The following MCF2L2 variants were observed in gnomAD, a reference collection of about 807,000 sequenced individuals.
MCF2L2 encodes probable guanine nucleotide exchange factor MCF2L2.
Under a neutral mutation model 150.2 loss-of-function variants are expected in MCF2L2, and 102 were observed. The ratio of observed to expected loss-of-function variants is 0.68; its 90% confidence interval spans 0.58 to 0.80. MCF2L2 has a LOEUF of 0.80. MCF2L2 is among the 30% of genes least tolerant of loss of function. The probability of loss-of-function intolerance (pLI) is 0.00; values close to 1 mark genes in which losing one functional copy is unlikely to be tolerated. For synonymous variants in MCF2L2, 465 were observed against 491.3 expected (o/e 0.95, Z 0.71); for missense variants, 1,256 against 1,372.8 (o/e 0.91, Z 1.34).
At chr3:183,206,335 G>A in intron 23 of MCF2L2, 121 bp from the exon 24 acceptor site, 1 of 760,074 alleles carries the variant, frequency 1.3e-6, no homozygotes, top group Non-Finnish European at 2.2e-6. Flanking sequence ...TTCCTTTCAA[G>A]TTTTTGCTTT....
At chr3:183,286,044 C>A (rs1309230719) in intron 14 of MCF2L2, among the ~76,000 whole-genome samples, 1 of 152,200 alleles carries the variant, frequency 6.6e-6, no homozygotes, top group Non-Finnish European at 1.5e-5. Context: ...GAGCCAAGTG[C>A]AGGGCATCAC....
chr3:183,229,724 G>C lies in MCF2L2; in HGVS notation c.1987C>G (p.Gln663Glu). 1 of 1,605,044 alleles carries C rather than the reference G, an allele frequency of 6.2e-7. No homozygotes were observed. Among genetic ancestry groups the C allele is most frequent in the Non-Finnish European group, 8.5e-7 (1 of 1,173,514 alleles). The change falls in exon 17 of 30, where the codon CAG becomes GAG. Residue 663 changes from glutamine (Q) to glutamate (E), a missense_variant. Physicochemically the swap from Gln to Glu is conservative, Grantham distance 29. Transcript: ENST00000328913. ...WLKHLIPDVL[Q>E]NNKDFLFGNI... ...CCAAAGAGAAAGTCCTTGTTATTCTGAAGAACATCTGGAATTAGATGCTTT... is the reference window on the plus strand; with the variant it reads ...CCAAAGAGAAAGTCCTTGTTATTCTCAAGAACATCTGGAATTAGATGCTTT...
chr3:183,187,902 G>A (rs564648896), intron 27 of MCF2L2, among the ~76,000 whole-genome samples: 9 of 152,272 alleles, frequency 5.9e-5, no homozygotes, highest in African/African-American at 1.7e-4. Flanking sequence ...CAGCTGGCAC[G>A]TGGAATCCTT....
chr3:183,223,956 T>C (rs996215896), intron 19 of MCF2L2, 142 bp downstream of exon 19: 19 of 702,928 alleles, frequency 2.7e-5, no homozygotes, highest in Non-Finnish European at 4.1e-5. Context: ...CAACTTTTCA[T>C]GTGTAATTTC....
At chr3:183,410,338 T>A (rs566806008) in intron 1 of MCF2L2, among the ~76,000 whole-genome samples, 5 of 152,272 alleles carry the variant, frequency 3.3e-5, no homozygotes, top group African/African-American at 9.6e-5. Flanking sequence ...AATATAACTA[T>A]CATATTGGGC....
At position 183,197,788 on chromosome 3, in the gene MCF2L2, C is replaced by T. The variant is rs1722125415; in HGVS notation, c.2885-2533G>A. ...AATGAGCAAAAGATTTGAACAGACA[C>T]TTCACCAAAGAAGAGATAAAGATGG... On this transcript the variant is annotated intron_variant, in intron 25 of 29. Transcript: ENST00000328913. The surrounding 1 kb of genome is among the most constrained non-coding windows in gnomAD (Gnocchi z 4.5). Among the ~76,000 whole-genome samples the T allele has an allele frequency of 6.6e-6, 1 of 152,076 alleles. No individual in the cohort carries two copies. Among genetic ancestry groups the T allele is most frequent in the African/African-American group, 2.4e-5 (1 of 41,404 alleles).
rs1249029863 is a variant in MCF2L2 at position 183,238,917 on chromosome 3, G to T, written c.1863-7900C>A. 2.0e-5 allele frequency among the ~76,000 whole-genome samples: 3 copies of T among 147,006 alleles called. No homozygotes were observed. In the Admixed American group the frequency reaches 2.1e-4, roughly 10 times the overall value. On this transcript the variant is annotated intron_variant, in intron 15 of 29. Transcript: ENST00000328913. ...GAGGCTGAGACAGGAGAATGGCGTG[G>T]ACCCCGGAGGTGGAGCTTGCAGCGA...
At chr3:183,253,170 C>T (rs1241876453) in intron 15 of MCF2L2, 1 of 113,920 alleles carries the variant, frequency 8.8e-6, no homozygotes, top group Non-Finnish European at 1.8e-5. Flanking sequence ...CGGGCGGGGC[C>T]GGGCTCGGGC....
At chr3:183,189,199 T>C (rs1221504357) in intron 27 of MCF2L2, among the ~76,000 whole-genome samples, 1 of 152,222 alleles carries the variant, frequency 6.6e-6, no homozygotes, top group Non-Finnish European at 1.5e-5. Context: ...CTACCAAGGC[T>C]TCTCCATTTC....
Position 183,305,547 on chromosome 3 carries a change from C to T in MCF2L2, c.1113+4169G>A, listed in dbSNP as rs950671033. 2.0e-5 allele frequency among the ~76,000 whole-genome samples: 3 copies of T among 152,048 alleles called. No individual in the cohort carries two copies. Among genetic ancestry groups the T allele is most frequent in the African/African-American group, 7.2e-5 (3 of 41,404 alleles). On this transcript the variant is annotated intron_variant, in intron 10 of 29. Transcript: ENST00000328913. This position sits in a 1 kb window ranked among gnomAD's most constrained non-coding sequence, Gnocchi z 4.1. ...AGGTCCAAATGGGTCTAGGGAGAAA[C>T]GCCCATAAAGGCAACTGAGGAGGCC...
At chr3:183,292,574 C>T (rs1728221024) in intron 13 of MCF2L2, among the ~76,000 whole-genome samples, 1 of 151,820 alleles carries the variant, frequency 6.6e-6, no homozygotes, top group Admixed American at 6.6e-5. Flanking sequence ...CACACACACA[C>T]ACACACACAC....
At chr3:183,350,760 T>C (rs564961348) in intron 3 of MCF2L2, among the ~76,000 whole-genome samples, 1 of 151,942 alleles carries the variant, frequency 6.6e-6, no homozygotes, top group Non-Finnish European at 1.5e-5. Flanking sequence ...AAAAATTAGC[T>C]GGGCGTGGTG....
intron 1 of MCF2L2, among the ~76,000 whole-genome samples, chr3:183,427,701 C>T (rs1385204248): frequency 6.6e-6 from 1 of 151,984 alleles, no homozygotes; most frequent in Non-Finnish European, 1.5e-5. Flanking sequence ...GGCCCCCCGA[C>T]CCCCACCAGC....
chr3:183,264,952 A>C (rs1725956710), intron 15 of MCF2L2, among the ~76,000 whole-genome samples: 1 of 152,194 alleles, frequency 6.6e-6, no homozygotes, highest in Non-Finnish European at 1.5e-5. Context: ...TCTATTAGAA[A>C]AGATAATACT....
chr3:183,215,182 T>C (rs1370392449), intron 22 of MCF2L2, among the ~76,000 whole-genome samples: 2 of 152,130 alleles, frequency 1.3e-5, no homozygotes, highest in African/African-American at 4.8e-5. Flanking sequence ...TGAGACTGTG[T>C]TGAACTTCTG....
Position 183,257,050 on chromosome 3 carries a change from G to GA in MCF2L2, c.1862+19821dup, listed in dbSNP as rs766391997. On this transcript the variant is annotated intron_variant, in intron 15 of 29. Coordinates refer to ENST00000328913, the MANE Select transcript of MCF2L2 (RefSeq NM_015078.4). ...TGAGTATAGCTCAGTATTCTAAAAA[G>GA]AAAAAAACCTGAAAAAAAAATCAGC... Among the ~76,000 whole-genome samples, 11 of 151,646 alleles carry GA rather than the reference G, an allele frequency of 7.3e-5. No individual in the cohort carries two copies. The East Asian group carries it at 7.8e-4, about 11-fold the overall frequency.
Position 183,277,548 on chromosome 3 carries a change from C to T in MCF2L2, c.1777-591G>A, listed in dbSNP as rs146471818. Among the ~76,000 whole-genome samples, 45 of 151,756 alleles carry T rather than the reference C, an allele frequency of 3.0e-4. No homozygotes were observed. The East Asian group carries it at 8.7e-3, about 29-fold the overall frequency. Reference sequence around the variant, plus strand: ...TGCTGGAGGCAGAGATGAAGTAAGCCCAGTGTAGGCTTTCACAGATGCGTG... The same window carrying T: ...TGCTGGAGGCAGAGATGAAGTAAGCTCAGTGTAGGCTTTCACAGATGCGTG... On this transcript the variant is annotated intron_variant, in intron 14 of 29. Coordinates refer to ENST00000328913, the MANE Select transcript of MCF2L2 (RefSeq NM_015078.4).
chr3:183,336,460 T>C (rs1730484775), intron 5 of MCF2L2, among the ~76,000 whole-genome samples: 1 of 152,176 alleles, frequency 6.6e-6, no homozygotes, highest in Non-Finnish European at 1.5e-5. Context: ...TTATCTATTT[T>C]TTATTTTTCA....
chr3:183,416,241 ATAACTT>A (rs150306966), intron 1 of MCF2L2, among the ~76,000 whole-genome samples: 18,691 of 152,138 alleles, frequency 0.12, 1,235 homozygotes, highest in East Asian at 0.2. Context: ...ACTATGTTAT[ATAACTT>A]TATGTTTATT....
Sources: allele counts gnomAD v4.1 joint callset (sites outside exome capture counted in the v4.1 genomes callset), GRCh38; gene constraint gnomAD v4.1.1; non-coding constraint Gnocchi (gnomAD v3.1); transcripts MANE v1.5; gene names NCBI Gene and HGNC (gene_info 2026-07-23, HGNC 2026-07-21).